Variants in ACBD7 observed in about 807,000 individuals in gnomAD.
ACBD7 encodes the protein acyl-CoA-binding domain-containing protein 7.
Under a neutral mutation model 13.7 loss-of-function variants are expected in ACBD7, and 11 were observed. The observed-to-expected ratio is 0.80, with a 90% CI of 0.50 to 1.33. The LOEUF (loss-of-function observed/expected upper bound fraction) is 1.33. Ranked by LOEUF, ACBD7 falls within the 40% of genes most tolerant of loss-of-function variation. The probability of loss-of-function intolerance (pLI) is 0.00; values close to 1 mark genes in which losing one functional copy is unlikely to be tolerated. For synonymous variants in ACBD7, 43 were observed against 37.7 expected (o/e 1.14, Z -0.51); for missense variants, 111 against 103.0 (o/e 1.08, Z -0.33).
At chr10:15,088,600 C>A in intron 1 of ACBD7, 117 bp downstream of exon 1, 2 of 1,351,196 alleles carry the variant, frequency 1.5e-6, no homozygotes, top group Non-Finnish European at 2.0e-6. Context: ...AAGGAGTGGG[C>A]GTGTCCCCCG....
At position 15,077,276 on chromosome 10, in the gene ACBD7, G is replaced by A. The variant is rs1326433006; in HGVS notation, c.*1254C>T. Among the ~76,000 whole-genome samples the A allele has an allele frequency of 6.6e-6, 1 of 152,042 alleles. No homozygotes were observed. Among genetic ancestry groups the A allele is most frequent in the Admixed American group, 6.6e-5 (1 of 15,250 alleles). On this transcript the variant is annotated 3_prime_UTR_variant, in exon 4 of 4. Transcript: ENST00000356189. ...AGCCATATAAAGAGAATGAAATTAC[G>A]GCTTTTGCAGCAACGTGGGTGGAAC...
At chr10:15,085,899 C>T (rs1844802790) in intron 1 of ACBD7, among the ~76,000 whole-genome samples, 1 of 152,206 alleles carries the variant, frequency 6.6e-6, no homozygotes, top group South Asian at 2.1e-4. Flanking sequence ...CTCATTTCCA[C>T]TCAGTGAGCA....
At chr10:15,080,561 C>CA (rs1441469450) in intron 1 of ACBD7, among the ~76,000 whole-genome samples, 1 of 151,942 alleles carries the variant, frequency 6.6e-6, no homozygotes, top group Non-Finnish European at 1.5e-5. Context: ...GCCTGGGCGA[C>CA]AAAGTGAGAC....
Position 15,075,991 on chromosome 10 carries a change from A to T in ACBD7, c.*2539T>A. 1 of 631,768 alleles carries T rather than the reference A, an allele frequency of 1.6e-6. No homozygotes were observed. Among genetic ancestry groups the T allele is most frequent in the Non-Finnish European group, 1.9e-6 (1 of 513,254 alleles). The allele number at this position is 631,768 out of a possible 1,614,324, so 39.1% of individuals were successfully genotyped here. A position where few individuals can be genotyped will look rare whatever the true frequency, so the allele number is the denominator to read the frequency against. On this transcript the variant is annotated 3_prime_UTR_variant, in exon 4 of 4. Transcript: ENST00000356189. ...CCTGTCTCAACAAAAAAAAAAAAAA[A>T]AAAAAAGAAAAGAAAAAGAATGTTA... is the stretch of plus-strand genomic sequence containing the variant.
chr10:15,078,816 T>C (rs1844713883), intron 2 of ACBD7, 63 bp from the exon 3 acceptor site: 6 of 1,534,542 alleles, frequency 3.9e-6, no homozygotes, highest in Non-Finnish European at 5.3e-6. Context: ...CTATAGACAT[T>C]GTTCAAACGG....
chr10:15,078,859 T>C, intron 2 of ACBD7, 64 bp downstream of exon 2: 1 of 1,246,464 alleles, frequency 8.0e-7, no homozygotes. Flanking sequence ...AATTATATAT[T>C]ATAATCGCAA....
rs565169523 is a variant in ACBD7 at position 15,077,850 on chromosome 10, G to T, written c.*680C>A. ...ATCACACGACTGCACTCCAGCCTGG[G>T]TGACAGAGTGAGACTCCTCAAGAAA... On this transcript the variant is annotated 3_prime_UTR_variant, in exon 4 of 4. Coordinates refer to ENST00000356189, the MANE Select transcript of ACBD7 (RefSeq NM_001039844.3). 1.3e-5 allele frequency: 2 copies of T among 152,442 alleles called. No individual in the cohort carries two copies. Among genetic ancestry groups the T allele is most frequent in the Admixed American group, 6.5e-5 (1 of 15,280 alleles). 9.4% of individuals were successfully genotyped at this position (152,442 alleles called of 1,614,324 possible).
chr10:15,085,256 C>T (rs1266613614), intron 1 of ACBD7, among the ~76,000 whole-genome samples: 3 of 152,234 alleles, frequency 2.0e-5, no homozygotes, highest in Non-Finnish European at 4.4e-5. Context: ...CACTAGGCTC[C>T]CTCACCCCAC....
Position 15,078,497 on chromosome 10 carries a change from C to T in ACBD7, c.*33G>A. ...TTAGGTCATGATAGCATTTGGAAGTCTTCAAAAGGAAAAATTCCTCATATG... is the reference window on the plus strand; with the variant it reads ...TTAGGTCATGATAGCATTTGGAAGTTTTCAAAAGGAAAAATTCCTCATATG... On this transcript the variant is annotated 3_prime_UTR_variant, in exon 4 of 4. Coordinates refer to ENST00000356189, the MANE Select transcript of ACBD7 (RefSeq NM_001039844.3). 1.2e-6 allele frequency: 2 copies of T among 1,613,298 alleles called. No homozygotes were observed. The highest frequency in any genetic ancestry group is 1.7e-6 in the Non-Finnish European group (2 of 1,179,902).
chr10:15,083,324 AAAC>A (rs1404593344), intron 1 of ACBD7, among the ~76,000 whole-genome samples: 6 of 152,326 alleles, frequency 3.9e-5, no homozygotes, highest in Admixed American at 3.9e-4. Flanking sequence ...GCTGGAGTAC[AAAC>A]AACATTGGCC....
chr10:15,088,735 G>T lies in ACBD7; in HGVS notation c.-7C>A. 1.3e-6 allele frequency: 2 copies of T among 1,598,184 alleles called. No individual in the cohort carries two copies. The highest frequency in any genetic ancestry group is 1.7e-6 in the Non-Finnish European group (2 of 1,175,336). On this transcript the variant is annotated 5_prime_UTR_variant, in exon 1 of 4. Transcript: ENST00000356189. ...CGGGTACCTGCAGGGCCATGGTGGC[G>T]GCTGCCGCGTTGTTGCTGCTGCTGT...
At chr10:15,088,625 G>A (rs1013901626) in intron 1 of ACBD7, 92 bp downstream of exon 1, 4 of 1,507,778 alleles carry the variant, frequency 2.7e-6, no homozygotes, top group Non-Finnish European at 2.7e-6. Flanking sequence ...ACCGCCGACC[G>A]CTCCCAGGGG....
At chr10:15,084,903 G>C (rs1025476982) in intron 1 of ACBD7, among the ~76,000 whole-genome samples, 1 of 151,954 alleles carries the variant, frequency 6.6e-6, no homozygotes, top group Non-Finnish European at 1.5e-5. Context: ...GTAGCCTCCG[G>C]TCCTTTTATT....
chr10:15,088,627 T>TC, intron 1 of ACBD7, 90 bp downstream of exon 1: 1 of 1,521,262 alleles, frequency 6.6e-7, no homozygotes, highest in South Asian at 1.2e-5. Context: ...CGCCGACCGC[T>TC]CCCAGGGGCG....
chr10:15,078,806 C>G (rs1284225461), intron 2 of ACBD7, 53 bp from the exon 3 acceptor site: 7 of 1,572,818 alleles, frequency 4.5e-6, no homozygotes, highest in Non-Finnish European at 5.2e-6. Context: ...CTGTGCACTT[C>G]TATAGACATT....
At chr10:15,083,485 A>C (rs1471029541) in intron 1 of ACBD7, among the ~76,000 whole-genome samples, 1 of 152,044 alleles carries the variant, frequency 6.6e-6, no homozygotes, top group African/African-American at 2.4e-5. Context: ...GATGATTAAG[A>C]ATATAATTTT....
At chr10:15,084,935 G>T (rs1391418151) in intron 1 of ACBD7, among the ~76,000 whole-genome samples, 1 of 151,762 alleles carries the variant, frequency 6.6e-6, no homozygotes, top group Non-Finnish European at 1.5e-5. Context: ...GAAAGTTGGG[G>T]TTTTGATTTA....
At position 15,077,120 on chromosome 10, in the gene ACBD7, A is replaced by G; in HGVS notation, c.*1410T>C. Among the ~76,000 whole-genome samples, 1 of 152,186 alleles carries G rather than the reference A, an allele frequency of 6.6e-6. No individual in the cohort carries two copies. Among genetic ancestry groups the G allele is most frequent in the East Asian group, 1.9e-4 (1 of 5,190 alleles). Reference sequence around the variant, plus strand: ...AAAGGAAAATAAATCATTCTATCCAAAAGATACCTGCACTTGTATATCTAT... The same window carrying G: ...AAAGGAAAATAAATCATTCTATCCAGAAGATACCTGCACTTGTATATCTAT... On this transcript the variant is annotated 3_prime_UTR_variant, in exon 4 of 4. Transcript: ENST00000356189.
chr10:15,079,149 C>G (rs1844719640), intron 1 of ACBD7, 109 bp from the exon 2 acceptor site: 4 of 560,776 alleles, frequency 7.1e-6, no homozygotes, highest in Middle Eastern at 2.9e-4. Flanking sequence ...TTCTGCTGCT[C>G]TGGTTCTATC....
Sources: allele counts gnomAD v4.1 joint callset (sites outside exome capture counted in the v4.1 genomes callset), GRCh38; gene constraint gnomAD v4.1.1; transcripts MANE v1.5; gene names NCBI Gene and HGNC (gene_info 2026-07-23, HGNC 2026-07-21).